DTNA: variants seen among roughly 807,000 people sequenced by gnomAD.
DTNA encodes the protein dystrobrevin alpha, also known as dystrophin-related protein 3.
DTNA carries 43 observed loss-of-function variants against 100.7 expected under a neutral mutation model. That is an observed-to-expected ratio of 0.43 (90% CI 0.33 to 0.55). The LOEUF is 0.55. Ranked by LOEUF, DTNA falls within the 20% of genes least tolerant of loss-of-function variation. The pLI is 0.04. For missense variants in DTNA, 798 were observed against 953.9 expected, an observed-to-expected ratio of 0.84 and a Z score of 2.15; for synonymous variants, 349 against 347.9, an observed-to-expected ratio of 1.00 and a Z score of -0.04.
At chr18:34,800,603 A>T (rs1171910928) in intron 4 of DTNA, among the ~76,000 whole-genome samples, 1 of 152,232 alleles carries the variant, frequency 6.6e-6, no homozygotes, top group Non-Finnish European at 1.5e-5. Flanking sequence ...GCTTATCAAA[A>T]ATGCTTACCA....
chr18:34,858,186 A>T (rs2096575167), intron 15 of DTNA, 99 bp from the exon 16 acceptor site: 2 of 1,071,762 alleles, frequency 1.9e-6, no homozygotes, highest in Non-Finnish European at 2.8e-6. Flanking sequence ...ACATAGGATG[A>T]TCCCTTCTCT....
intron 1 of DTNA, among the ~76,000 whole-genome samples, chr18:34,510,489 A>G (rs531852112): frequency 1.3e-5 from 2 of 152,078 alleles, no homozygotes; most frequent in East Asian, 3.9e-4. Flanking sequence ...TCCCTGTTCC[A>G]TCAGTCATTC....
At chr18:34,716,857 G>C (rs2084186309) in intron 1 of DTNA, among the ~76,000 whole-genome samples, 1 of 152,182 alleles carries the variant, frequency 6.6e-6, no homozygotes, top group African/African-American at 2.4e-5. Context: ...CAAATAAGAA[G>C]TCTCATATCA....
chr18:34,725,967 A>C (rs2147133795), intron 1 of DTNA, among the ~76,000 whole-genome samples: 1 of 152,314 alleles, frequency 6.6e-6, no homozygotes, highest in East Asian at 1.9e-4. Context: ...ATGAAACTGG[A>C]AATCATCATT....
intron 3 of DTNA, among the ~76,000 whole-genome samples, chr18:34,767,937 A>T (rs1007719314): frequency 6.6e-6 from 1 of 152,180 alleles, no homozygotes; most frequent in African/African-American, 2.4e-5. Flanking sequence ...AGCATTACAG[A>T]TGTTGAAAGA....
intron 1 of DTNA, among the ~76,000 whole-genome samples, chr18:34,628,345 T>TAA (rs2057621343): frequency 6.6e-6 from 1 of 152,238 alleles, no homozygotes; most frequent in South Asian, 2.1e-4. Context: ...AATTATTTGG[T>TAA]AAAGGATTCA....
At chr18:34,833,895 G>T (rs957586747) in intron 11 of DTNA, among the ~76,000 whole-genome samples, 7 of 152,214 alleles carry the variant, frequency 4.6e-5, no homozygotes, top group African/African-American at 1.7e-4. Flanking sequence ...CAGCTTTAAT[G>T]AAGCTCAGTC....
At chr18:34,737,764 A>C (rs2089906897) in intron 1 of DTNA, 1 of 152,148 alleles carries the variant, frequency 6.6e-6, no homozygotes, top group African/African-American at 2.4e-5. Context: ...CTCCACTATG[A>C]AGTATAAGCC....
intron 15 of DTNA, among the ~76,000 whole-genome samples, chr18:34,852,468 C>T (rs970746730): frequency 1.3e-5 from 2 of 152,164 alleles, no homozygotes; most frequent in African/African-American, 4.8e-5. Flanking sequence ...CAGCATACAC[C>T]CCAAAAATTG....
chr18:34,496,126 A>G (rs921237195), intron 1 of DTNA, among the ~76,000 whole-genome samples: 2 of 151,840 alleles, frequency 1.3e-5, no homozygotes, highest in Admixed American at 1.3e-4. Flanking sequence ...GTGGAATCCA[A>G]CTAAACGGCA....
intron 1 of DTNA, among the ~76,000 whole-genome samples, chr18:34,600,017 G>A (rs527240713): frequency 6.6e-6 from 1 of 152,168 alleles, no homozygotes; most frequent in African/African-American, 2.4e-5. Context: ...TATTTTAAAT[G>A]TATTTGTCTT....
intron 16 of DTNA, among the ~76,000 whole-genome samples, chr18:34,860,238 T>G (rs1378361502): frequency 1.4e-4 from 19 of 137,820 alleles, no homozygotes; most frequent in Non-Finnish European, 2.1e-4. Flanking sequence ...TTTTTTTTTT[T>G]TTTTTTTTTT....
chr18:34,854,658 T>C (rs1438164651), intron 15 of DTNA, among the ~76,000 whole-genome samples: 1 of 152,194 alleles, frequency 6.6e-6, no homozygotes, highest in African/African-American at 2.4e-5. Context: ...CTACCAGACA[T>C]CATTCCATAA....
intron 1 of DTNA, among the ~76,000 whole-genome samples, chr18:34,590,925 C>T (rs538174995): frequency 2.0e-5 from 3 of 152,132 alleles, no homozygotes; most frequent in East Asian, 1.9e-4. Flanking sequence ...TTCCTATTCC[C>T]GTTGTTGAGT....
Position 34,815,959 on chromosome 18 carries a change from C to A in DTNA, c.654C>A (p.Pro218=), listed in dbSNP as rs1478981280. The A allele has an allele frequency of 3.1e-6, 5 of 1,613,758 alleles. No individual in the cohort carries two copies. The highest frequency in any genetic ancestry group is 1.1e-5 in the South Asian group (1 of 91,080). ...GFLDTLMSDP[P]PQCLVWLPLL... is the part of the protein sequence containing the mutation. ...TGGACACGCTTATGTCAGATCCTCC[C>A]CCGCAGTGTCTGGTCTGGTTGCCTC... The change falls in exon 7 of 23, where the codon CCC becomes CCA. Residue 218 remains proline, a synonymous_variant. Coordinates refer to ENST00000444659, the MANE Select transcript of DTNA (RefSeq NM_001386795.1).
chr18:34,518,800 T>C (rs1386513632), intron 1 of DTNA, among the ~76,000 whole-genome samples: 2 of 149,500 alleles, frequency 1.3e-5, no homozygotes, highest in Non-Finnish European at 3.0e-5. Context: ...ATTAATAGAA[T>C]GCAGCACCTG....
At chr18:34,872,533 A>G (rs2096775577) in intron 17 of DTNA, among the ~76,000 whole-genome samples, 1 of 152,182 alleles carries the variant, frequency 6.6e-6, no homozygotes, top group Non-Finnish European at 1.5e-5. Context: ...GTTACCTCAC[A>G]TCCATTAAGA....
At position 34,860,236 on chromosome 18, in the gene DTNA, T is replaced by G. The variant is rs1230093808; in HGVS notation, c.1646+1838T>G. On this transcript the variant is annotated intron_variant, in intron 16 of 22. Coordinates refer to ENST00000444659, the MANE Select transcript of DTNA (RefSeq NM_001386795.1). ...TAATTTTTTGTTTTTTTTTTTTTTTTTTTTTTTTTTTTTGGAGAGACGGGG... is the reference window on the plus strand; with the variant it reads ...TAATTTTTTGTTTTTTTTTTTTTTTGTTTTTTTTTTTTTGGAGAGACGGGG... 2.2e-3 allele frequency among the ~76,000 whole-genome samples: 312 copies of G among 139,130 alleles called. 1 individual carries two copies. Among genetic ancestry groups the G allele is most frequent in the Non-Finnish European group, 3.4e-3 (219 of 63,830 alleles). 91.3% of individuals were successfully genotyped at this position (139,130 alleles called of 152,430 possible).
chr18:34,541,668 C>A (rs1398741538), intron 1 of DTNA, among the ~76,000 whole-genome samples: 1 of 151,992 alleles, frequency 6.6e-6, no homozygotes, highest in Non-Finnish European at 1.5e-5. Context: ...AGTGTGAGAA[C>A]AGACTAATAC....
Sources: gnomAD v4.1 joint callset for allele counts (sites outside exome capture counted in the v4.1 genomes callset) on GRCh38, gnomAD v4.1.1 for gene constraint, MANE v1.5 for transcripts, NCBI Gene and HGNC (gene_info 2026-07-23, HGNC 2026-07-21) for gene names.